The following ARID4B variants were observed in gnomAD, a reference collection of about 807,000 sequenced individuals.
The protein encoded by ARID4B is AT-rich interaction domain 4B, also known as AT-rich interactive domain-containing protein 4B.
A neutral mutation model predicts 147.5 loss-of-function variants in ARID4B; 26 were observed. That is an observed-to-expected ratio of 0.18 (90% CI 0.13 to 0.24). The LOEUF is 0.24. ARID4B is among the 10% of genes least tolerant of loss of function. The pLI is 1.00. For missense variants in ARID4B, 1,179 were observed against 1,511.5 expected (o/e 0.78, Z 3.65); for synonymous variants, 512 against 507.9 (o/e 1.01, Z -0.11).
chr1:235,179,259 C>T (rs1245984054), intron 20 of ARID4B, among the ~76,000 whole-genome samples: 5 of 152,092 alleles, frequency 3.3e-5, no homozygotes, highest in South Asian at 2.1e-4. Flanking sequence ...TCTGGCTGGG[C>T]GCGGTGGCTC....
intron 5 of ARID4B, 134 bp downstream of exon 5, chr1:235,255,525 TG>T (rs1225219151): frequency 3.6e-6 from 2 of 552,884 alleles, no homozygotes; most frequent in Non-Finnish European, 6.1e-6. Context: ...TTAAAAGATG[TG>T]GAAAGATAAA....
chr1:235,178,463 C>T (rs1236169078), intron 20 of ARID4B, among the ~76,000 whole-genome samples: 7 of 152,032 alleles, frequency 4.6e-5, no homozygotes, highest in African/African-American at 1.7e-4. Flanking sequence ...ATACCATTTA[C>T]AAATCCAACA....
intron 8 of ARID4B, among the ~76,000 whole-genome samples, chr1:235,235,986 C>T (rs1668527751): frequency 6.7e-6 from 1 of 149,654 alleles, no homozygotes; most frequent in South Asian, 2.1e-4. Context: ...TGTGCAGTGG[C>T]GTGATCACGA....
At chr1:235,281,086 A>C (rs749407761) in intron 2 of ARID4B, among the ~76,000 whole-genome samples, 5 of 148,356 alleles carry the variant, frequency 3.4e-5, no homozygotes, top group Admixed American at 6.6e-5. Context: ...CTTGCCATCA[A>C]GGTGGCTTCT....
chr1:235,250,499 C>T (rs1669576813), intron 6 of ARID4B, among the ~76,000 whole-genome samples: 1 of 152,136 alleles, frequency 6.6e-6, no homozygotes, highest in Admixed American at 6.5e-5. Context: ...TTGATTAATG[C>T]TTTTTCTCCT....
chr1:235,240,175 A>T (rs969246426), intron 8 of ARID4B, 138 bp downstream of exon 8: 10 of 728,610 alleles, frequency 1.4e-5, no homozygotes, highest in Non-Finnish European at 2.1e-5. Flanking sequence ...ACAACGTTGA[A>T]AGTAAGCTTA....
intron 2 of ARID4B, among the ~76,000 whole-genome samples, chr1:235,292,038 A>T (rs1672373491): frequency 6.6e-6 from 1 of 152,224 alleles, no homozygotes; most frequent in South Asian, 2.1e-4. Context: ...AGTATTTTTT[A>T]AAACTTTTCA....
At position 235,181,589 on chromosome 1, in the gene ARID4B, T is replaced by G. The variant is rs1280876632; in HGVS notation, c.3330A>C (p.Glu1110Asp). Residue 1110 changes from glutamate to aspartate, a missense_variant, in exon 20 of 24, where the codon GAA (glutamate) becomes GAC (aspartate). By Grantham distance (45) the Glu-to-Asp change is conservative (BLOSUM62 2). Coordinates refer to ENST00000264183, the MANE Select transcript of ARID4B (RefSeq NM_016374.6). ...SSNQPEPEHPEKACTGQKRVK... is the reference protein window; with the variant it reads ...SSNQPEPEHPDKACTGQKRVK... The stretch of plus-strand genomic sequence containing the variant: ...CATACACATTTTCCTTCTCACCTTT[T>G]TCAGGATGTTCTGGTTCTGGCTGAT... 1 of 1,610,876 alleles carries G rather than the reference T, an allele frequency of 6.2e-7. No individual in the cohort carries two copies. Among genetic ancestry groups the G allele is most frequent in the Non-Finnish European group, 8.5e-7 (1 of 1,179,534 alleles).
At chr1:235,190,073 A>G in intron 19 of ARID4B, 1 of 154,412 alleles carries the variant, frequency 6.5e-6, no homozygotes. Flanking sequence ...AGCCAAGTGT[A>G]CTGTGGATAT....
At chr1:235,215,805 T>C (rs944916186) in intron 16 of ARID4B, among the ~76,000 whole-genome samples, 11 of 151,830 alleles carry the variant, frequency 7.2e-5, no homozygotes, top group African/African-American at 2.7e-4. Context: ...TTTAGGCTGG[T>C]CTTGAACTCC....
intron 2 of ARID4B, among the ~76,000 whole-genome samples, chr1:235,268,105 T>C (rs2103134469): frequency 6.6e-6 from 1 of 152,200 alleles, no homozygotes; most frequent in East Asian, 1.9e-4. Context: ...GGTGCAGTCC[T>C]GTGGCGGAGG....
intron 6 of ARID4B, among the ~76,000 whole-genome samples, chr1:235,250,475 A>G (rs1040365005): frequency 2.6e-5 from 4 of 152,210 alleles, no homozygotes; most frequent in Non-Finnish European, 2.9e-5. Context: ...AAATTTTAAA[A>G]TATGTTTGAT....
intron 17 of ARID4B, among the ~76,000 whole-genome samples, chr1:235,200,383 C>T (rs1209445414): frequency 1.3e-5 from 2 of 152,022 alleles, no homozygotes; most frequent in Non-Finnish European, 2.9e-5. Flanking sequence ...AGCTTGAACC[C>T]GAGAGGCGGA....
intron 21 of ARID4B, 95 bp downstream of exon 21, chr1:235,177,705 T>C (rs1663989146): frequency 2.9e-6 from 2 of 693,114 alleles, no homozygotes; most frequent in East Asian, 3.0e-5. Context: ...ATCAAAATAG[T>C]GTACTATCCC....
chr1:235,173,771 AATATATATATATATATATATATATATAT>A (rs1169414831), intron 22 of ARID4B, among the ~76,000 whole-genome samples: 40 of 32,354 alleles, frequency 1.2e-3, no homozygotes, highest in South Asian at 5.4e-3. Flanking sequence ...AAAAAAAAAA[AATATATATATATATATATATATATATAT>A]ATATATATAT....
rs1175996354 is a variant in ARID4B, at chr1:235,230,594, T to TAAAAAAAAAAAAAA, written c.742+505_742+518dup. Among the ~76,000 whole-genome samples the TAAAAAAAAAAAAAA allele has an allele frequency of 8.4e-3, 490 of 58,290 alleles. 17 individuals carry two copies. The highest frequency in any genetic ancestry group is 0.032 in the African/African-American group (475 of 14,898). 38.2% of individuals were successfully genotyped at this position (58,290 alleles called of 152,430 possible). On this transcript the variant is annotated intron_variant, in intron 10 of 23. Coordinates refer to ENST00000264183, the MANE Select transcript of ARID4B (RefSeq NM_016374.6). ...TAGATTATTATGCCTGACTATAAGC[T>TAAAAAAAAAAAAAA]AAAAAAAAAAAAAAAAAAAAAACCA...
chr1:235,279,584 AT>A (rs1348754365), intron 2 of ARID4B, among the ~76,000 whole-genome samples: 1 of 152,218 alleles, frequency 6.6e-6, no homozygotes. Flanking sequence ...TAAAAAGCTA[AT>A]CTTCTATGCA....
At position 235,213,963 on chromosome 1, in the gene ARID4B, T is replaced by TTCC. The variant is rs10588817; in HGVS notation, c.1644_1646dup (p.Glu553dup). The TTCC allele has an allele frequency of 1.0e-4, 163 of 1,577,384 alleles. No individual in the cohort carries two copies. The highest frequency in any genetic ancestry group is 1.3e-4 in the Non-Finnish European group (152 of 1,147,436). On this transcript the variant is annotated inframe_insertion, in exon 17 of 24. Coordinates refer to ENST00000264183, the MANE Select transcript of ARID4B (RefSeq NM_016374.6). ...CATCATCTTCATCCTCTTCTTCTTC[T>TTCC]TCCTCCTCCTCCTCCTCTTCTGCTT...
chr1:235,299,069 C>CA (rs1165105289), intron 2 of ARID4B, among the ~76,000 whole-genome samples: 1 of 152,098 alleles, frequency 6.6e-6, no homozygotes, highest in Non-Finnish European at 1.5e-5. Flanking sequence ...GCCTAGACAA[C>CA]AAAGTGAGAT....
Sources: allele counts gnomAD v4.1 joint callset (sites outside exome capture counted in the v4.1 genomes callset), GRCh38; gene constraint gnomAD v4.1.1; transcripts MANE v1.5; gene names NCBI Gene and HGNC (gene_info 2026-07-23, HGNC 2026-07-21).